KCNIP4: variants seen among roughly 807,000 people sequenced by gnomAD.
The protein encoded by KCNIP4 is Kv channel-interacting protein 4.
In KCNIP4, 12 loss-of-function variants were observed where a neutral mutation model predicts 34.0. The observed-to-expected ratio is 0.35, with a 90% CI of 0.23 to 0.57. The LOEUF is 0.57. KCNIP4 is among the 20% of genes least tolerant of loss of function. The pLI is 0.83. For synonymous variants in KCNIP4, 124 were observed against 102.2 expected (o/e 1.21, Z -1.29); for missense variants, 238 against 311.7 (o/e 0.76, Z 1.78).
intron 1 of KCNIP4, among the ~76,000 whole-genome samples, chr4:21,349,438 T>C (rs1325084343): frequency 1.3e-5 from 2 of 152,180 alleles, no homozygotes; most frequent in Non-Finnish European, 2.9e-5. Flanking sequence ...GGCAGGGACA[T>C]GACAAGGGCT....
chr4:21,479,766 G>A (rs1451552098), intron 1 of KCNIP4, among the ~76,000 whole-genome samples: 1 of 151,742 alleles, frequency 6.6e-6, no homozygotes, highest in Non-Finnish European at 1.5e-5. Context: ...GAGAAAATAT[G>A]CACAAAATAA....
chr4:21,028,284 A>G (rs1483914451), intron 1 of KCNIP4, among the ~76,000 whole-genome samples: 1 of 152,042 alleles, frequency 6.6e-6, no homozygotes, highest in Non-Finnish European at 1.5e-5. Flanking sequence ...ACTGTAGTCT[A>G]TTTTCAAAGA....
At chr4:20,911,652 T>C (rs373984741) in intron 1 of KCNIP4, among the ~76,000 whole-genome samples, 1 of 152,202 alleles carries the variant, frequency 6.6e-6, no homozygotes, top group South Asian at 2.1e-4. Flanking sequence ...TGGCAGGGAT[T>C]AACTGGGGGT....
chr4:21,857,727 G>C (rs1446403877), intron 1 of KCNIP4, among the ~76,000 whole-genome samples: 2 of 152,158 alleles, frequency 1.3e-5, no homozygotes, highest in African/African-American at 4.8e-5. Context: ...ATTCTTCCTG[G>C]CTGCAGGACA....
chr4:21,360,118 T>A (rs1207682973), intron 1 of KCNIP4, among the ~76,000 whole-genome samples: 3 of 152,104 alleles, frequency 2.0e-5, no homozygotes, highest in African/African-American at 7.2e-5. Context: ...TGTTTCAGAA[T>A]TTAGAATTAA....
chr4:21,065,728 A>G (rs28532457), intron 1 of KCNIP4, among the ~76,000 whole-genome samples: 4 of 29,612 alleles, frequency 1.4e-4, no homozygotes, highest in African/African-American at 4.9e-4. Context: ...TCATTTGTCT[A>G]TATATATATA....
intron 1 of KCNIP4, among the ~76,000 whole-genome samples, chr4:21,509,525 A>G (rs1734125500): frequency 6.6e-6 from 1 of 152,164 alleles, no homozygotes; most frequent in South Asian, 2.1e-4. Flanking sequence ...AGAGTGTTAT[A>G]TGTGTTATTG....
intron 1 of KCNIP4, among the ~76,000 whole-genome samples, chr4:21,727,046 T>C (rs771000080): frequency 1.5e-4 from 20 of 136,802 alleles, no homozygotes; most frequent in Non-Finnish European, 2.8e-4. Flanking sequence ...TCAAATGTTT[T>C]GTTGGTTAGT....
intron 1 of KCNIP4, among the ~76,000 whole-genome samples, chr4:21,173,683 A>G (rs1754184120): frequency 6.6e-6 from 1 of 151,980 alleles, no homozygotes. Flanking sequence ...GTAGCTGAAA[A>G]CCCAAACCCG....
chr4:21,502,026 C>T (rs900896036), intron 1 of KCNIP4, among the ~76,000 whole-genome samples: 2 of 151,732 alleles, frequency 1.3e-5, no homozygotes, highest in South Asian at 2.1e-4. Context: ...AGCACACACA[C>T]ACAATCACCC....
intron 5 of KCNIP4, among the ~76,000 whole-genome samples, chr4:20,738,205 G>A (rs1750166714): frequency 6.6e-6 from 1 of 152,052 alleles, no homozygotes. Flanking sequence ...CTTATTCAAG[G>A]AAGATTGCTG....
intron 3 of KCNIP4, among the ~76,000 whole-genome samples, chr4:20,762,888 G>A (rs1210243883): frequency 6.6e-6 from 1 of 152,162 alleles, no homozygotes; most frequent in East Asian, 1.9e-4. Flanking sequence ...CCCTGGGAAG[G>A]CCTCAGGAAA....
At chr4:21,624,782 C>T (rs900038603) in intron 1 of KCNIP4, among the ~76,000 whole-genome samples, 1 of 151,998 alleles carries the variant, frequency 6.6e-6, no homozygotes, top group African/African-American at 2.4e-5. Flanking sequence ...TCTTTGACGC[C>T]GTAAATTGAA....
Position 21,594,070 on chromosome 4 carries a change from G to GA in KCNIP4, c.61+354500dup, listed in dbSNP as rs200219929. Among the ~76,000 whole-genome samples, 1,301 of 151,240 alleles carry GA rather than the reference G, an allele frequency of 8.6e-3. 9 individuals are homozygous for GA. Among genetic ancestry groups the GA allele is most frequent in the Non-Finnish European group, 0.015 (1,035 of 67,774 alleles). ...TGAGACTTGTGAACAAGCTGAAAGGGAAAAAAAACAGGTTACCTTGAAAGA... is the reference window on the plus strand; with the variant it reads ...TGAGACTTGTGAACAAGCTGAAAGGGAAAAAAAAACAGGTTACCTTGAAAGA... On this transcript the variant is annotated intron_variant, in intron 1 of 8. Coordinates refer to ENST00000382152, the MANE Select transcript of KCNIP4 (RefSeq NM_025221.6).
intron 3 of KCNIP4, among the ~76,000 whole-genome samples, chr4:20,805,186 CTT>C (rs10552321): frequency 0.045 from 4,129 of 90,788 alleles, 108 homozygotes; most frequent in African/African-American, 0.097. Context: ...TAGATGCTTC[CTT>C]TTTTTTTTTT....
At chr4:21,418,699 G>C (rs9994028) in intron 1 of KCNIP4, among the ~76,000 whole-genome samples, 1 of 151,918 alleles carries the variant, frequency 6.6e-6, no homozygotes. Flanking sequence ...AATGTCTTCA[G>C]GGGAGAGAGG....
intron 1 of KCNIP4, among the ~76,000 whole-genome samples, chr4:21,463,936 G>C (rs1202305342): frequency 6.6e-6 from 1 of 151,970 alleles, no homozygotes; most frequent in Admixed American, 6.6e-5. Context: ...ATCAATGGTG[G>C]TTGTTTCTGG....
intron 1 of KCNIP4, among the ~76,000 whole-genome samples, chr4:21,352,271 T>C (rs1228191751): frequency 6.6e-6 from 1 of 152,162 alleles, no homozygotes; most frequent in Non-Finnish European, 1.5e-5. Flanking sequence ...TCATTGGGAC[T>C]GGTTGGACAG....
rs764571152 is a variant in KCNIP4 at position 21,501,248 on chromosome 4, T to TCTCACACACACACACACACACACA, written c.61+447322_61+447323insTGTGTGTGTGTGTGTGTGTGTGAG. On this transcript the variant is annotated intron_variant, in intron 1 of 8. Transcript: ENST00000382152. Reference sequence around the variant, plus strand: ...TTCTCTCTCTCTCTCTCTCTCTCTCTCACACACACACACACACACACACAC... The same window carrying TCTCACACACACACACACACACACA: ...TTCTCTCTCTCTCTCTCTCTCTCTCTCTCACACACACACACACACACACACACACACACACACACACACACACAC... Among the ~76,000 whole-genome samples the TCTCACACACACACACACACACACA allele has an allele frequency of 1.2e-4, 12 of 104,290 alleles. No homozygotes were observed. The South Asian group carries it at 3.5e-3, about 31-fold the overall frequency. The allele number at this position is 104,290 out of a possible 152,430, so 68.4% of individuals were successfully genotyped here.
Sources: gnomAD v4.1 joint callset for allele counts (sites outside exome capture counted in the v4.1 genomes callset) on GRCh38, gnomAD v4.1.1 for gene constraint, MANE v1.5 for transcripts, NCBI Gene and HGNC (gene_info 2026-07-23, HGNC 2026-07-21) for gene names.